Variants in SPIDR observed in about 807,000 individuals in gnomAD.
The protein encoded by SPIDR is DNA repair-scaffolding protein.
Under a neutral mutation model 104.6 loss-of-function variants are expected in SPIDR, and 93 were observed. That is an observed-to-expected ratio of 0.89 (90% CI 0.75 to 1.06). The LOEUF is 1.06. Ranked by LOEUF, SPIDR falls within the 50% of genes least tolerant of loss-of-function variation. The pLI, the probability that SPIDR is intolerant of heterozygous loss-of-function variation, is 0.00. For synonymous variants in SPIDR, 431 were observed against 416.9 expected (o/e 1.03, Z -0.41); for missense variants, 1,154 against 1,111.2 (o/e 1.04, Z -0.55).
intron 11 of SPIDR, among the ~76,000 whole-genome samples, chr8:47,690,299 G>A (rs1293296969): frequency 2.0e-5 from 3 of 152,062 alleles, no homozygotes; most frequent in South Asian, 2.1e-4. Context: ...GCGCGTGCAC[G>A]TGCGCCTGTG....
intron 8 of SPIDR, among the ~76,000 whole-genome samples, chr8:47,543,546 AAC>A (rs1342183289): frequency 6.6e-6 from 1 of 152,222 alleles, no homozygotes; most frequent in Non-Finnish European, 1.5e-5. Context: ...AGGAAAGCCT[AAC>A]ACAGGTATTT....
chr8:47,592,116 G>GT (rs2061094204), intron 8 of SPIDR: 1 of 1,369,946 alleles, frequency 7.3e-7, no homozygotes, highest in Non-Finnish European at 1.0e-6. Flanking sequence ...AACAGGAGAA[G>GT]TGATGCACAC....
intron 8 of SPIDR, among the ~76,000 whole-genome samples, chr8:47,572,806 G>T (rs532761286): frequency 1.1e-4 from 17 of 152,144 alleles, no homozygotes; most frequent in African/African-American, 3.9e-4. Context: ...GGCTTCCATC[G>T]GATGGGTCTG....
chr8:47,714,303 A>G (rs1017134234), intron 16 of SPIDR, among the ~76,000 whole-genome samples: 4 of 152,156 alleles, frequency 2.6e-5, no homozygotes, highest in Non-Finnish European at 4.4e-5. Flanking sequence ...GGCAGAAGAC[A>G]TCTGACAACC....
At chr8:47,732,206 C>T in intron 19 of SPIDR, 1 of 702,578 alleles carries the variant, frequency 1.4e-6, no homozygotes, top group Non-Finnish European at 2.6e-6. Context: ...GCTTGTTCCT[C>T]CTACACATTT....
chr8:47,360,948 T>C (rs2055761483), intron 5 of SPIDR: 1 of 985,144 alleles, frequency 1.0e-6, no homozygotes, highest in South Asian at 4.7e-5. Flanking sequence ...CTGGAGTGTA[T>C]GGTGAGCATT....
intron 10 of SPIDR, among the ~76,000 whole-genome samples, chr8:47,618,189 A>AT (rs543834951): frequency 0.021 from 3,086 of 150,166 alleles, 243 homozygotes; most frequent in Admixed American, 0.15. Context: ...GTTTGGCTGG[A>AT]TTTTTTTTTT....
intron 8 of SPIDR, among the ~76,000 whole-genome samples, chr8:47,526,565 C>G (rs1186290493): frequency 1.3e-5 from 2 of 152,178 alleles, no homozygotes; most frequent in Non-Finnish European, 1.5e-5. Context: ...ATGGTGCATT[C>G]AGCTGCCTGG....
At position 47,736,176 on chromosome 8, in the gene SPIDR, G is replaced by T. The variant is rs1170119010; in HGVS notation, c.*726G>T. The T allele has an allele frequency of 6.5e-6, 1 of 153,534 alleles. No homozygotes were observed. Among genetic ancestry groups the T allele is most frequent in the African/African-American group, 2.4e-5 (1 of 41,442 alleles). The allele number at this position is 153,534 out of a possible 1,614,324, so 9.5% of individuals were successfully genotyped here. Reference sequence around the variant, plus strand: ...TTAAACCAAGAATTAATTATCTTTGGACACTATAAAGATTTTGTTCCCTTC... The same window carrying T: ...TTAAACCAAGAATTAATTATCTTTGTACACTATAAAGATTTTGTTCCCTTC... On this transcript the variant is annotated 3_prime_UTR_variant, in exon 20 of 20. Coordinates refer to ENST00000297423, the MANE Select transcript of SPIDR (RefSeq NM_001080394.4).
intron 2 of SPIDR, among the ~76,000 whole-genome samples, chr8:47,283,530 T>C: frequency 6.6e-6 from 1 of 152,154 alleles, no homozygotes. Context: ...GCAGATGCTG[T>C]TGGAAAAATG....
intron 8 of SPIDR, among the ~76,000 whole-genome samples, chr8:47,531,895 A>G (rs72646352): frequency 2.6e-5 from 4 of 152,306 alleles, no homozygotes; most frequent in African/African-American, 9.6e-5. Context: ...ATCATATAAA[A>G]TGGCCAATTA....
rs540012098 is a variant in SPIDR at position 47,655,748 on chromosome 8, T to G, written c.1545-18053T>G. Among the ~76,000 whole-genome samples, 454 of 152,330 alleles carry G rather than the reference T, an allele frequency of 3.0e-3. 3 individuals carry two copies. Among genetic ancestry groups the G allele is most frequent in the African/African-American group, 0.011 (444 of 41,578 alleles). ...AGTTTAATTAGATCGCATTTGTCAA[T>G]TTTGGCTTTTGTTGCCATTGCTTTT... On this transcript the variant is annotated intron_variant, in intron 10 of 19. Transcript: ENST00000297423.
At chr8:47,315,377 C>T (rs1427062940) in intron 5 of SPIDR, among the ~76,000 whole-genome samples, 1 of 151,960 alleles carries the variant, frequency 6.6e-6, no homozygotes, top group Non-Finnish European at 1.5e-5. Context: ...TCTGTAACTA[C>T]AGTAGAATTT....
chr8:47,666,372 C>T (rs2074938324), intron 10 of SPIDR, among the ~76,000 whole-genome samples: 1 of 152,140 alleles, frequency 6.6e-6, no homozygotes, highest in Non-Finnish European at 1.5e-5. Flanking sequence ...TTCCTTATTG[C>T]TGACTACAGT....
chr8:47,423,461 G>A (rs782565103), intron 7 of SPIDR, among the ~76,000 whole-genome samples: 1 of 152,042 alleles, frequency 6.6e-6, no homozygotes, highest in African/African-American at 2.4e-5. Context: ...AACTAGCCAG[G>A]TGTGGTGGTT....
At chr8:47,571,723 A>G (rs973312158) in intron 8 of SPIDR, among the ~76,000 whole-genome samples, 6 of 152,242 alleles carry the variant, frequency 3.9e-5, no homozygotes, top group Non-Finnish European at 8.8e-5. Flanking sequence ...GCCTATGCAT[A>G]CATACCTGTG....
intron 8 of SPIDR, among the ~76,000 whole-genome samples, chr8:47,490,985 A>C (rs1203514765): frequency 6.6e-6 from 1 of 152,142 alleles, no homozygotes; most frequent in Admixed American, 6.5e-5. Flanking sequence ...CCTAGAACTT[A>C]AAGTATAATA....
chr8:47,476,708 A>G (rs1487932972), intron 8 of SPIDR, among the ~76,000 whole-genome samples: 3 of 152,140 alleles, frequency 2.0e-5, no homozygotes, highest in African/African-American at 7.2e-5. Flanking sequence ...TTTTCATCCT[A>G]TCTTGTTTAA....
intron 8 of SPIDR, among the ~76,000 whole-genome samples, chr8:47,503,733 T>C (rs2080967231): frequency 6.6e-6 from 1 of 152,234 alleles, no homozygotes; most frequent in Non-Finnish European, 1.5e-5. Context: ...CTACCATCTA[T>C]AGTCTTTACA....
Sources: allele counts gnomAD v4.1 joint callset (sites outside exome capture counted in the v4.1 genomes callset), GRCh38; gene constraint gnomAD v4.1.1; transcripts MANE v1.5; gene names NCBI Gene and HGNC (gene_info 2026-07-23, HGNC 2026-07-21).